Variants in FHIP1A observed in about 807,000 individuals in gnomAD.
FHIP1A encodes the protein FHF complex subunit HOOK-interacting protein 1A.
FHIP1A carries 61 observed loss-of-function variants against 88.6 expected under a neutral mutation model. The observed-to-expected ratio is 0.69, with a 90% CI of 0.56 to 0.85. FHIP1A has a LOEUF of 0.85. Among genes scored for constraint, FHIP1A ranks in the 40% least tolerant of loss-of-function variants. The pLI, the probability that FHIP1A is intolerant of heterozygous loss-of-function variation, is 0.00. For missense variants in FHIP1A, 1,154 were observed against 1,273.5 expected, an observed-to-expected ratio of 0.91 and a Z score of 1.43; for synonymous variants, 478 against 496.0, an observed-to-expected ratio of 0.96 and a Z score of 0.48.
intron 3 of FHIP1A, among the ~76,000 whole-genome samples, chr4:151,510,238 G>A (rs1446857113): frequency 1.3e-5 from 2 of 151,860 alleles, no homozygotes; most frequent in Admixed American, 1.3e-4. Context: ...CTGAGTAGCT[G>A]GTACCACAGA....
chr4:151,552,938 C>T (rs1167822636), intron 3 of FHIP1A, among the ~76,000 whole-genome samples: 1 of 152,000 alleles, frequency 6.6e-6, no homozygotes, highest in Non-Finnish European at 1.5e-5. Context: ...AGGTTTGGTA[C>T]ATAACCCTGT....
rs576438769 is a variant in FHIP1A at position 151,670,191 on chromosome 4, C to T, written c.*7437C>T. On this transcript the variant is annotated 3_prime_UTR_variant, in exon 14 of 14. Transcript: ENST00000435205. ...ATATATATACCGAACAAAGGTGCTC[C>T]GGTGCAGTGGAGAGAACAGTATTAG... is the stretch of plus-strand genomic sequence containing the variant. 2 of 152,264 alleles carry T rather than the reference C, an allele frequency of 1.3e-5. No homozygotes were observed. Among genetic ancestry groups the T allele is most frequent in the South Asian group, 2.1e-4 (1 of 4,820 alleles). 9.4% of individuals were successfully genotyped at this position (152,264 alleles called of 1,614,324 possible). A position where few individuals can be genotyped will look rare whatever the true frequency, so the allele number is the denominator to read the frequency against.
At chr4:151,657,106 C>T (rs1737273575) in intron 13 of FHIP1A, among the ~76,000 whole-genome samples, 1 of 152,192 alleles carries the variant, frequency 6.6e-6, no homozygotes, top group Non-Finnish European at 1.5e-5. Context: ...CCTGTTTCCT[C>T]TGTGGAGGGT....
Position 151,577,732 on chromosome 4 carries a change from C to A in FHIP1A, c.388C>A (p.His130Asn). 2 of 1,551,762 alleles carry A rather than the reference C, an allele frequency of 1.3e-6. No individual in the cohort carries two copies. The highest frequency in any genetic ancestry group is 1.7e-6 in the Non-Finnish European group (2 of 1,147,026). The change falls in exon 5 of 14, where the codon CAC becomes AAC. Residue 130 changes from histidine (H) to asparagine (N), a missense_variant. Physicochemically the swap from His to Asn is moderately conservative, Grantham distance 68. Transcript: ENST00000435205. ...KMYEMLVTQS[H>N]QPLLHHKPIL... Reference sequence around the variant, plus strand: ...GTATGAGATGTTGGTCACCCAGTCGCACCAGCCTCTGCTGCACCACAAACC... The same window carrying A: ...GTATGAGATGTTGGTCACCCAGTCGAACCAGCCTCTGCTGCACCACAAACC...
rs141417584 is a variant in FHIP1A, at chr4:151,470,597, A to G, written c.-247-11927A>G. 3.1e-4 allele frequency among the ~76,000 whole-genome samples: 47 copies of G among 152,258 alleles called. 1 individual carries two copies. The highest frequency in any genetic ancestry group is 1.1e-3 in the African/African-American group (44 of 41,564). ...TCTGAACAAATGACTTCATCTTTTT[A>G]TGAGGAATATACATATTAATGTCAT... On this transcript the variant is annotated intron_variant, in intron 2 of 13. Transcript: ENST00000435205.
rs773663300 is a variant in FHIP1A at position 151,664,116 on chromosome 4, G to A, written c.*1362G>A. ...ATTTTGGGCCCAGTTCTGCAGGTGC[G>A]AAGCAAGTAACGAGCTTGAGCCTGC... On this transcript the variant is annotated 3_prime_UTR_variant, in exon 14 of 14. Coordinates refer to ENST00000435205, the MANE Select transcript of FHIP1A (RefSeq NM_001109977.3). 2.6e-5 allele frequency among the ~76,000 whole-genome samples: 4 copies of A among 152,162 alleles called. No individual in the cohort carries two copies. The highest frequency in any genetic ancestry group is 6.5e-5 in the Admixed American group (1 of 15,276).
At chr4:151,618,586 T>C (rs757715504) in intron 7 of FHIP1A, among the ~76,000 whole-genome samples, 6 of 152,206 alleles carry the variant, frequency 3.9e-5, no homozygotes, top group Non-Finnish European at 5.9e-5. Context: ...CTCACTTCTT[T>C]ATGTGCTCGC....
At chr4:151,661,713 T>G (rs750492686) in intron 13 of FHIP1A, among the ~76,000 whole-genome samples, 4 of 152,194 alleles carry the variant, frequency 2.6e-5, no homozygotes, top group Non-Finnish European at 5.9e-5. Context: ...AAAACTGATT[T>G]GATAGGAAAA....
At chr4:151,442,040 C>A (rs1210108873) in intron 1 of FHIP1A, among the ~76,000 whole-genome samples, 1 of 152,098 alleles carries the variant, frequency 6.6e-6, no homozygotes, top group Non-Finnish European at 1.5e-5. Context: ...ATTGAATTCA[C>A]TATATGTTTA....
chr4:151,430,916 AC>A (rs1733568306), intron 1 of FHIP1A, among the ~76,000 whole-genome samples: 1 of 152,178 alleles, frequency 6.6e-6, no homozygotes, highest in Admixed American at 6.5e-5. Context: ...TCTTGTTTGC[AC>A]CTGAGCAACA....
At chr4:151,536,387 A>G (rs751479438) in intron 3 of FHIP1A, among the ~76,000 whole-genome samples, 9 of 152,192 alleles carry the variant, frequency 5.9e-5, no homozygotes, top group Non-Finnish European at 1.3e-4. Flanking sequence ...CAACATATTG[A>G]ATAGTTCCAA....
chr4:151,467,220 A>G (rs1473678683), intron 2 of FHIP1A, among the ~76,000 whole-genome samples: 1 of 152,264 alleles, frequency 6.6e-6, no homozygotes, highest in African/African-American at 2.4e-5. Context: ...AAGCATATGA[A>G]AAAAGCTCAA....
At position 151,466,045 on chromosome 4, in the gene FHIP1A, CT is replaced by C. The variant is rs950547898; in HGVS notation, c.-248+11238del. Among the ~76,000 whole-genome samples, 117 of 152,262 alleles carry C rather than the reference CT, an allele frequency of 7.7e-4. 1 individual carries two copies. The highest frequency in any genetic ancestry group is 5.0e-4 in the Non-Finnish European group (34 of 67,994). On this transcript the variant is annotated intron_variant, in intron 2 of 13. Coordinates refer to ENST00000435205, the MANE Select transcript of FHIP1A (RefSeq NM_001109977.3). ...ATAGAAAGAGAGGAAGTCAAATTGT[CT>C]GTTTGCAGATGACATGATTCTATGT...
chr4:151,638,075 T>G (rs772611179), intron 8 of FHIP1A, among the ~76,000 whole-genome samples: 5 of 152,274 alleles, frequency 3.3e-5, no homozygotes, highest in Non-Finnish European at 7.4e-5. Flanking sequence ...AAATCAGTGA[T>G]TGATAGAATT....
At chr4:151,497,799 C>T (rs545305837) in intron 3 of FHIP1A, among the ~76,000 whole-genome samples, 6 of 152,222 alleles carry the variant, frequency 3.9e-5, no homozygotes, top group East Asian at 1.9e-4. Context: ...GCCCTCTTCT[C>T]GACTCAGCCA....
At chr4:151,490,264 C>G (rs1355043193) in intron 3 of FHIP1A, among the ~76,000 whole-genome samples, 1 of 152,224 alleles carries the variant, frequency 6.6e-6, no homozygotes, top group East Asian at 1.9e-4. Flanking sequence ...CTTTACTCCC[C>G]TCCCACTTCC....
chr4:151,518,403 A>T (rs756104431), intron 3 of FHIP1A, among the ~76,000 whole-genome samples: 1 of 152,152 alleles, frequency 6.6e-6, no homozygotes, highest in Non-Finnish European at 1.5e-5. Context: ...TCATGTAAGG[A>T]TGCGTTTCTC....
chr4:151,438,245 G>C (rs1421768618), intron 1 of FHIP1A, among the ~76,000 whole-genome samples: 1 of 152,054 alleles, frequency 6.6e-6, no homozygotes, highest in Non-Finnish European at 1.5e-5. Context: ...TGCCTACTAC[G>C]TGTGTGTAAT....
intron 5 of FHIP1A, among the ~76,000 whole-genome samples, chr4:151,585,230 G>C (rs1034452991): frequency 1.3e-5 from 2 of 152,040 alleles, no homozygotes; most frequent in Non-Finnish European, 2.9e-5. Flanking sequence ...AGGCTGGAGT[G>C]TAGTAGGTCC....
Sources: allele counts gnomAD v4.1 joint callset (sites outside exome capture counted in the v4.1 genomes callset), GRCh38; gene constraint gnomAD v4.1.1; transcripts MANE v1.5; gene names NCBI Gene and HGNC (gene_info 2026-07-23, HGNC 2026-07-21).